The following ARSG variants were observed in gnomAD, a reference collection of about 807,000 sequenced individuals.
The protein encoded by ARSG is arylsulfatase G.
ARSG carries 37 observed loss-of-function variants against 50.5 expected under a neutral mutation model. The ratio of observed to expected loss-of-function variants is 0.73; its 90% confidence interval spans 0.56 to 0.96. The LOEUF is 0.96. Among genes scored for constraint, ARSG ranks in the 50% least tolerant of loss-of-function variants. The pLI is 0.00. For missense variants in ARSG, 629 were observed against 675.3 expected, an observed-to-expected ratio of 0.93 and a Z score of 0.76; for synonymous variants, 225 against 254.6, an observed-to-expected ratio of 0.88 and a Z score of 1.11.
At chr17:68,396,367 C>T (rs1043783843) in intron 10 of ARSG, among the ~76,000 whole-genome samples, 1 of 152,190 alleles carries the variant, frequency 6.6e-6, no homozygotes, top group African/African-American at 2.4e-5. Flanking sequence ...TGGGCTTCCA[C>T]TTCCCAGCAT....
At chr17:68,320,158 G>A (rs1268917789) in intron 2 of ARSG, among the ~76,000 whole-genome samples, 6 of 152,156 alleles carry the variant, frequency 3.9e-5, no homozygotes, top group South Asian at 2.1e-4. Context: ...GCGTGATGGC[G>A]TGCGCCTGTA....
intron 5 of ARSG, among the ~76,000 whole-genome samples, chr17:68,354,866 AAAAAC>A (rs758922996): frequency 1.3e-5 from 2 of 152,346 alleles, no homozygotes; most frequent in East Asian, 3.9e-4. Flanking sequence ...CCTGTGTCAA[AAAAAC>A]AAAACAAAAC....
At chr17:68,419,230 A>G (rs965439982) in intron 11 of ARSG, among the ~76,000 whole-genome samples, 1 of 152,194 alleles carries the variant, frequency 6.6e-6, no homozygotes, top group Non-Finnish European at 1.5e-5. Context: ...AAAAAATCAA[A>G]TTTACTCCTA....
At chr17:68,403,260 A>G (rs965482128) in intron 11 of ARSG, among the ~76,000 whole-genome samples, 2 of 152,218 alleles carry the variant, frequency 1.3e-5, no homozygotes, top group African/African-American at 2.4e-5. Context: ...TAATTTCACA[A>G]GTAAAAGTCC....
intron 1 of ARSG, among the ~76,000 whole-genome samples, chr17:68,301,539 C>T (rs1555761899): frequency 6.6e-6 from 1 of 152,212 alleles, no homozygotes; most frequent in African/African-American, 2.4e-5. Context: ...CACTGTCTCT[C>T]ACCTGGACTC....
At chr17:68,319,675 G>A (rs1305516867) in intron 2 of ARSG, among the ~76,000 whole-genome samples, 2 of 152,154 alleles carry the variant, frequency 1.3e-5, no homozygotes, top group Admixed American at 6.5e-5. Context: ...GAATCTCTAC[G>A]AAGAGGAGGA....
chr17:68,451,301 G>C, the ARSG span, among the ~76,000 whole-genome samples: 2 of 152,096 alleles, frequency 1.3e-5, no homozygotes, highest in South Asian at 2.1e-4. Flanking sequence ...AGGTATGGTG[G>C]TGCACACCTG....
chr17:68,349,212 C>T (rs759544034), intron 4 of ARSG, among the ~76,000 whole-genome samples: 12 of 151,570 alleles, frequency 7.9e-5, no homozygotes, highest in East Asian at 1.9e-4. Context: ...GCAGGGGAAC[C>T]GCTTGAACCC....
At chr17:68,268,622 G>C (rs1209954795) in intron 1 of ARSG, 1 of 144,578 alleles carries the variant, frequency 6.9e-6, no homozygotes, top group African/African-American at 2.5e-5. Flanking sequence ...TTTTTTTTTT[G>C]ACTGGCCAAT....
downstream of ARSG, among the ~76,000 whole-genome samples, chr17:68,424,961 G>A (rs550039412): frequency 2.6e-5 from 4 of 152,252 alleles, no homozygotes; most frequent in Non-Finnish European, 5.9e-5. Flanking sequence ...AAGCTCACAA[G>A]AGCGGTCTAT....
chr17:68,294,963 G>A (rs2076154279), intron 1 of ARSG, among the ~76,000 whole-genome samples: 1 of 152,128 alleles, frequency 6.6e-6, no homozygotes, highest in African/African-American at 2.4e-5. Flanking sequence ...TAGTGATGAC[G>A]ATGATAATAA....
chr17:68,294,027 A>G (rs1349278986), intron 1 of ARSG, among the ~76,000 whole-genome samples: 2 of 152,132 alleles, frequency 1.3e-5, no homozygotes, highest in Non-Finnish European at 2.9e-5. Context: ...AAACAAAACT[A>G]ACTCTGTTTA....
At chr17:68,322,633 A>T (rs959644871) in intron 2 of ARSG, among the ~76,000 whole-genome samples, 61 of 141,740 alleles carry the variant, frequency 4.3e-4, no homozygotes, top group African/African-American at 1.5e-3. Context: ...TAAAATAAAA[A>T]AAAATTAAAA....
intron 2 of ARSG, among the ~76,000 whole-genome samples, chr17:68,330,412 C>G (rs73355989): frequency 0.018 from 2,768 of 152,018 alleles, 80 homozygotes; most frequent in African/African-American, 0.063. Context: ...GCCCTAGGAT[C>G]TGGGTACAAG....
chr17:68,424,346 T>C, downstream of ARSG: 1 of 489,738 alleles, frequency 2.0e-6, no homozygotes. Context: ...CAGCCCTGCA[T>C]GCAGGGCCCC....
chr17:68,451,409 G>C, the ARSG span, among the ~76,000 whole-genome samples: 1 of 152,180 alleles, frequency 6.6e-6, no homozygotes, highest in South Asian at 2.1e-4. Flanking sequence ...ACTCCAGCCT[G>C]GGCGACAAGC....
chr17:68,301,840 T>C lies in ARSG; in HGVS notation c.-551-5103T>C, dbSNP rs898972869. The stretch of plus-strand genomic sequence containing the variant: ...AGTTTCTCTGCCTTTCCTGCTTGGC[T>C]TCCTGATGGCTGCGTAGCTTCCTCC... On this transcript the variant is annotated intron_variant, in intron 1 of 11. Coordinates refer to ENST00000621439, the MANE Select transcript of ARSG (RefSeq NM_001267727.2). Among the ~76,000 whole-genome samples, 9 of 152,026 alleles carry C rather than the reference T, an allele frequency of 5.9e-5. No homozygotes were observed. The East Asian group carries it at 1.7e-3, about 29-fold the overall frequency.
chr17:68,384,926 C>G, intron 8 of ARSG, 138 bp from the exon 9 acceptor site: 1 of 641,662 alleles, frequency 1.6e-6, no homozygotes, highest in Non-Finnish European at 2.8e-6. Flanking sequence ...AGGGAAATAG[C>G]TGGTTACCAA....
At chr17:68,318,782 T>C (rs2077170550) in intron 2 of ARSG, among the ~76,000 whole-genome samples, 1 of 152,220 alleles carries the variant, frequency 6.6e-6, no homozygotes, top group South Asian at 2.1e-4. Flanking sequence ...TTACGGGCAG[T>C]GGCTTAGCTC....
Sources: gnomAD v4.1 joint callset for allele counts (sites outside exome capture counted in the v4.1 genomes callset) on GRCh38, gnomAD v4.1.1 for gene constraint, MANE v1.5 for transcripts, NCBI Gene and HGNC (gene_info 2026-07-23, HGNC 2026-07-21) for gene names.